METAP1D: variants seen among roughly 807,000 people sequenced by gnomAD.
The protein encoded by METAP1D is methionyl aminopeptidase type 1D, mitochondrial.
Under a neutral mutation model 40.5 loss-of-function variants are expected in METAP1D, and 31 were observed. The ratio of observed to expected loss-of-function variants is 0.77; its 90% CI spans 0.58 to 1.03. The LOEUF is 1.03. Ranked by LOEUF, METAP1D falls within the 50% of genes least tolerant of loss-of-function variation. The pLI is 0.00. For missense variants in METAP1D, 411 were observed against 420.7 expected (o/e 0.98, Z 0.20); for synonymous variants, 151 against 146.4 (o/e 1.03, Z -0.22).
chr2:172,078,910 G>C (rs901674862), intron 7 of METAP1D, among the ~76,000 whole-genome samples: 1 of 152,180 alleles, frequency 6.6e-6, no homozygotes, highest in African/African-American at 2.4e-5. Flanking sequence ...TAGCCTGGGG[G>C]ACAGGGAGAG....
intron 1 of METAP1D, among the ~76,000 whole-genome samples, chr2:172,040,968 A>G (rs1300071318): frequency 1.3e-5 from 2 of 151,822 alleles, no homozygotes; most frequent in East Asian, 3.9e-4. Context: ...TAGTTTCACC[A>G]TGATGGCCAG....
chr2:172,022,910 G>C (rs1384978332), intron 1 of METAP1D, among the ~76,000 whole-genome samples: 1 of 152,124 alleles, frequency 6.6e-6, no homozygotes, highest in African/African-American at 2.4e-5. Context: ...TTGCAGCCGG[G>C]TGTGGTGGCT....
chr2:172,059,798 C>T (rs1475953438), intron 1 of METAP1D, among the ~76,000 whole-genome samples: 6 of 152,158 alleles, frequency 3.9e-5, no homozygotes, highest in Middle Eastern at 3.2e-3. Context: ...CGCCCGTAAT[C>T]CCAGCACTTT....
intron 1 of METAP1D, among the ~76,000 whole-genome samples, chr2:172,029,711 G>A (rs72892835): frequency 0.18 from 27,687 of 152,120 alleles, 2,810 homozygotes; most frequent in South Asian, 0.26. Context: ...GATCCCTAAT[G>A]TAGGCTCATT....
intron 1 of METAP1D, among the ~76,000 whole-genome samples, chr2:172,029,687 C>A (rs894298877): frequency 6.6e-6 from 1 of 152,072 alleles, no homozygotes; most frequent in African/African-American, 2.4e-5. Flanking sequence ...CAAAAATAAC[C>A]GCCTCAAACT....
At chr2:172,020,604 C>T (rs1283452655) in intron 1 of METAP1D, among the ~76,000 whole-genome samples, 2 of 152,182 alleles carry the variant, frequency 1.3e-5, no homozygotes, top group Non-Finnish European at 2.9e-5. Context: ...CTGTTCTAGT[C>T]ATTGGGAGTA....
At chr2:172,078,773 A>G (rs1464358663) in intron 7 of METAP1D, among the ~76,000 whole-genome samples, 10 of 152,160 alleles carry the variant, frequency 6.6e-5, no homozygotes. Flanking sequence ...AGCTATTTGA[A>G]GTCAGGCCCC....
At chr2:172,013,517 G>A (rs1688778527) in intron 1 of METAP1D, among the ~76,000 whole-genome samples, 1 of 152,176 alleles carries the variant, frequency 6.6e-6, no homozygotes, top group Non-Finnish European at 1.5e-5. Context: ...TCACATCCAT[G>A]GGAGAGAAAA....
At chr2:172,079,304 T>C in intron 8 of METAP1D, 42 bp downstream of exon 8, 1 of 1,604,928 alleles carries the variant, frequency 6.2e-7, no homozygotes, top group South Asian at 1.1e-5. Context: ...TAGCTCCTGG[T>C]GGAAGCTTTT....
chr2:172,035,387 A>G (rs1005623628), intron 1 of METAP1D, among the ~76,000 whole-genome samples: 3 of 152,104 alleles, frequency 2.0e-5, no homozygotes, highest in Non-Finnish European at 4.4e-5. Flanking sequence ...GATGGTCTCC[A>G]TCTCCTGACC....
At chr2:172,076,589 T>G (rs886760395) in intron 6 of METAP1D, among the ~76,000 whole-genome samples, 5 of 152,252 alleles carry the variant, frequency 3.3e-5, no homozygotes, top group African/African-American at 7.2e-5. Context: ...CAAAATTAAA[T>G]CTGAATAAGA....
chr2:172,073,543 A>G (rs1035110230), intron 6 of METAP1D, among the ~76,000 whole-genome samples: 23 of 152,184 alleles, frequency 1.5e-4, no homozygotes, highest in African/African-American at 4.3e-4. Flanking sequence ...TAAAAAAACT[A>G]TGTGGAAAAT....
chr2:172,050,169 A>G (rs771312245), intron 1 of METAP1D, among the ~76,000 whole-genome samples: 3 of 152,200 alleles, frequency 2.0e-5, no homozygotes, highest in Non-Finnish European at 2.9e-5. Flanking sequence ...ACATCCAGCA[A>G]TATACCTAGG....
rs543287326 is a variant in METAP1D, at chr2:172,006,419, G to A, written c.40+6410G>A. ...AGGCTGGTCTCGATCTCCTGACCTCGTGATCTGCCTGCCTTGGCCTCCCAA... is the reference window on the plus strand; with the variant it reads ...AGGCTGGTCTCGATCTCCTGACCTCATGATCTGCCTGCCTTGGCCTCCCAA... On this transcript the variant is annotated intron_variant, in intron 1 of 9. Transcript: ENST00000315796. Among the ~76,000 whole-genome samples, 5 of 152,130 alleles carry A rather than the reference G, an allele frequency of 3.3e-5. No homozygotes were observed. In the East Asian group the frequency reaches 5.8e-4, roughly 18 times the overall value.
intron 1 of METAP1D, among the ~76,000 whole-genome samples, chr2:172,061,051 A>G (rs1450820299): frequency 6.6e-6 from 1 of 152,236 alleles, no homozygotes; most frequent in Non-Finnish European, 1.5e-5. Context: ...CTTAACACAG[A>G]GTAGTAATCC....
chr2:172,056,941 GTTACATGATATTTACATTTTTCA>G (rs1408916899), intron 1 of METAP1D, among the ~76,000 whole-genome samples: 1 of 151,948 alleles, frequency 6.6e-6, no homozygotes, highest in Non-Finnish European at 1.5e-5. Context: ...ATGCTAACTA[GTTACATGATATTTACATTTTTCA>G]TGATAAAAAA....
At chr2:172,030,094 A>T (rs140222990) in intron 1 of METAP1D, among the ~76,000 whole-genome samples, 40,969 of 143,228 alleles carry the variant, frequency 0.29, 6,608 homozygotes, top group Middle Eastern at 0.46. Context: ...TTATTTATTT[A>T]TTTATTTTTT....
chr2:172,072,045 A>G (rs1690432310), intron 6 of METAP1D, among the ~76,000 whole-genome samples: 1 of 152,210 alleles, frequency 6.6e-6, no homozygotes, highest in African/African-American at 2.4e-5. Flanking sequence ...AGAAGCTTTT[A>G]TTGAAGACTT....
intron 5 of METAP1D, among the ~76,000 whole-genome samples, chr2:172,067,827 G>T (rs1014417603): frequency 1.3e-5 from 2 of 152,080 alleles, no homozygotes; most frequent in African/African-American, 4.8e-5. Context: ...ATATTTCCAA[G>T]TGTCTAGAAA....
Sources: allele counts gnomAD v4.1 joint callset (sites outside exome capture counted in the v4.1 genomes callset), GRCh38; gene constraint gnomAD v4.1.1; transcripts MANE v1.5; gene names NCBI Gene and HGNC (gene_info 2026-07-23, HGNC 2026-07-21).